Variants in DCLK1 observed in about 807,000 individuals in gnomAD.
The protein encoded by DCLK1 is serine/threonine-protein kinase DCLK1.
Under a neutral mutation model 86.2 loss-of-function variants are expected in DCLK1, and 16 were observed. The observed-to-expected ratio is 0.19, with a 90% confidence interval of 0.13 to 0.28. The LOEUF is 0.28. DCLK1 is among the 10% of genes least tolerant of loss of function. The pLI, the probability that DCLK1 is intolerant of heterozygous loss-of-function variation, is 1.00. For synonymous variants in DCLK1, 369 were observed against 370.5 expected (o/e 1.00, Z 0.05); for missense variants, 590 against 940.2 (o/e 0.63, Z 4.87).
intron 3 of DCLK1, among the ~76,000 whole-genome samples, chr13:36,025,488 CATTG>C: frequency 6.6e-6 from 1 of 152,274 alleles, no homozygotes; most frequent in East Asian, 1.9e-4. Context: ...TAATGTTCAT[CATTG>C]ATTAATTGAT....
intron 6 of DCLK1, chr13:35,846,811 C>T: frequency 1.0e-6 from 1 of 985,128 alleles, no homozygotes; most frequent in Non-Finnish European, 1.2e-6. Context: ...ATTCGATTAA[C>T]ATTTTCAAGT....
At position 35,774,634 on chromosome 13, in the gene DCLK1, C is replaced by T. The variant is rs746686672; in HGVS notation, c.2124G>A (p.Arg708=). 1 of 1,607,408 alleles carries T rather than the reference C, an allele frequency of 6.2e-7. No individual in the cohort carries two copies. Among genetic ancestry groups the T allele is most frequent in the Non-Finnish European group, 8.5e-7 (1 of 1,176,944 alleles). ...RRRRNQDVRS[R]YKAQPAPPEL... The stretch of plus-strand genomic sequence containing the variant: ...CGGGAGGAGCTGGCTGCGCCTTGTA[C>T]CGGCTCCTCACATCCTGGTTGCGTC... Residue 708 remains arginine (R), a synonymous_variant, in exon 17 of 17, where the codon CGG becomes CGA. Coordinates refer to ENST00000360631, the MANE Select transcript of DCLK1 (RefSeq NM_001330071.2).
intron 4 of DCLK1, among the ~76,000 whole-genome samples, chr13:35,876,600 T>C (rs1872604630): frequency 6.6e-6 from 1 of 152,156 alleles, no homozygotes; most frequent in Non-Finnish European, 1.5e-5. Flanking sequence ...AAAATCTACA[T>C]CAGCTGATAA....
chr13:35,924,907 A>G (rs1566605502), intron 4 of DCLK1, among the ~76,000 whole-genome samples: 1 of 152,182 alleles, frequency 6.6e-6, no homozygotes, highest in African/African-American at 2.4e-5. Flanking sequence ...CCTATCATCT[A>G]TGGCTGCTTT....
At chr13:35,866,620 T>A (rs904746704) in intron 5 of DCLK1, among the ~76,000 whole-genome samples, 6 of 151,262 alleles carry the variant, frequency 4.0e-5, no homozygotes, top group African/African-American at 1.2e-4. Context: ...TTTTGTATTT[T>A]TTTTTTTTTT....
At chr13:35,996,642 CTGAG>C (rs990232996) in intron 3 of DCLK1, among the ~76,000 whole-genome samples, 17 of 152,218 alleles carry the variant, frequency 1.1e-4, no homozygotes, top group African/African-American at 3.9e-4. Context: ...CCAGCCCTCC[CTGAG>C]TATTTTGAAC....
At chr13:35,867,931 A>AAGAAAGAAAGAAAG (rs1871949480) in intron 5 of DCLK1, among the ~76,000 whole-genome samples, 1 of 134,182 alleles carries the variant, frequency 7.5e-6, no homozygotes, top group African/African-American at 2.9e-5. Context: ...GAAAGAAAGA[A>AAGAAAGAAAGAAAG]AGAAAGAAAG....
chr13:36,125,675 C>CA (rs746939496), intron 2 of DCLK1, 87 bp downstream of exon 2: 4 of 1,513,492 alleles, frequency 2.6e-6, no homozygotes, highest in Non-Finnish European at 3.5e-6. Flanking sequence ...TGTCAACTGT[C>CA]AGAGGGCAAA....
chr13:35,853,354 C>T (rs745811335), intron 6 of DCLK1, among the ~76,000 whole-genome samples: 6 of 152,162 alleles, frequency 3.9e-5, no homozygotes, highest in South Asian at 2.1e-4. Context: ...GACAAGCTGG[C>T]GTCAAATCCC....
At chr13:35,936,945 T>C (rs1219446589) in intron 4 of DCLK1, among the ~76,000 whole-genome samples, 1 of 140,782 alleles carries the variant, frequency 7.1e-6, no homozygotes, top group Non-Finnish European at 1.5e-5. Context: ...CATTAAAACA[T>C]CCAAAAGAAA....
rs377404658 is a variant in DCLK1, at chr13:35,958,072, C to G, written c.724-10615G>C. ...ATCACCACTATAACCACTAGCACCA[C>G]CACCACTACTATAACCATCACCACC... is the stretch of plus-strand genomic sequence containing the variant. On this transcript the variant is annotated intron_variant, in intron 3 of 16. Transcript: ENST00000360631. 4.4e-3 allele frequency among the ~76,000 whole-genome samples: 516 copies of G among 118,482 alleles called. 11 individuals carry two copies. The highest frequency in any genetic ancestry group is 0.019 in the African/African-American group (491 of 26,046). 77.7% of individuals were successfully genotyped at this position (118,482 alleles called of 152,430 possible).
chr13:35,850,553 G>A (rs761646932), intron 6 of DCLK1: 37 of 1,262,418 alleles, frequency 2.9e-5, no homozygotes, highest in Non-Finnish European at 3.5e-5. Flanking sequence ...TTTCAAGGTT[G>A]AACATCACGA....
intron 16 of DCLK1, among the ~76,000 whole-genome samples, chr13:35,784,829 A>C (rs1208367520): frequency 6.6e-6 from 1 of 152,006 alleles, no homozygotes; most frequent in African/African-American, 2.4e-5. Context: ...TGCTGTGTAC[A>C]TTTGGCTGCT....
rs750451705 is a variant in DCLK1 at position 35,808,317 on chromosome 13, A to G, written c.1770T>C (p.Ser590=). ...CAAAAAGCACCTCCTGGTCATCACC[A>G]CTTCTGTTTAGGTGAACGACAACAA... is the stretch of plus-strand genomic sequence containing the variant. ...LLCGFPPFRG[S]GDDQEVLFDQ... is the part of the protein sequence containing the mutation. The change falls in exon 14 of 17, where the codon AGT becomes AGC. Residue 590 remains serine (S), a synonymous_variant. Transcript: ENST00000360631. The G allele has an allele frequency of 1.2e-6, 2 of 1,613,920 alleles. No homozygotes were observed. Among genetic ancestry groups the G allele is most frequent in the South Asian group, 2.2e-5 (2 of 91,078 alleles).
intron 6 of DCLK1, among the ~76,000 whole-genome samples, chr13:35,839,780 T>G (rs1443793323): frequency 1.1e-5 from 1 of 88,022 alleles, no homozygotes; most frequent in African/African-American, 4.8e-5. Context: ...AATAAAAGCC[T>G]AGGCCTTGTA....
At chr13:35,802,082 C>T (rs776845665) in intron 15 of DCLK1, among the ~76,000 whole-genome samples, 32 of 152,172 alleles carry the variant, frequency 2.1e-4, no homozygotes, top group Non-Finnish European at 3.5e-4. Context: ...CTGGAACTGT[C>T]TGGTTGTATC....
At chr13:36,015,780 CT>C (rs1319908334) in intron 3 of DCLK1, among the ~76,000 whole-genome samples, 2 of 152,268 alleles carry the variant, frequency 1.3e-5, no homozygotes, top group East Asian at 3.9e-4. Flanking sequence ...TGCATCTGTG[CT>C]TTTTAATCCA....
intron 16 of DCLK1, among the ~76,000 whole-genome samples, chr13:35,789,474 C>T (rs182685344): frequency 2.0e-5 from 3 of 152,140 alleles, no homozygotes; most frequent in African/African-American, 4.8e-5. Context: ...GTATGCTTGG[C>T]CACAAAGACA....
intron 5 of DCLK1, among the ~76,000 whole-genome samples, chr13:35,859,359 T>C (rs1052259327): frequency 1.2e-4 from 18 of 152,094 alleles, no homozygotes; most frequent in Admixed American, 1.0e-3. Context: ...AAATAGGAAA[T>C]GTCATCCTTT....
Sources: gnomAD v4.1 joint callset for allele counts (sites outside exome capture counted in the v4.1 genomes callset) on GRCh38, gnomAD v4.1.1 for gene constraint, MANE v1.5 for transcripts, NCBI Gene and HGNC (gene_info 2026-07-23, HGNC 2026-07-21) for gene names.